UBASH3B: variants seen among roughly 807,000 people sequenced by gnomAD.
UBASH3B encodes the protein ubiquitin-associated and SH3 domain-containing protein B.
UBASH3B carries 37 observed loss-of-function variants against 83.4 expected under a neutral mutation model. The observed-to-expected ratio is 0.44, with a 90% confidence interval of 0.34 to 0.58. The LOEUF (loss-of-function observed/expected upper bound fraction) is 0.58, where lower values mean the gene tolerates loss of function less well. Ranked by LOEUF, UBASH3B falls within the 20% of genes least tolerant of loss-of-function variation. The pLI is 0.01. For synonymous variants in UBASH3B, 304 were observed against 318.3 expected (o/e 0.96, Z 0.48); for missense variants, 657 against 827.2 (o/e 0.79, Z 2.52).
chr11:122,806,193 A>G lies in UBASH3B; in HGVS notation c.1596-217A>G, dbSNP rs4936750. Among the ~76,000 whole-genome samples the G allele has an allele frequency of 0.46, 70,007 of 152,086 alleles. 17,660 individuals are homozygous for G. Among genetic ancestry groups the G allele is most frequent in the African/African-American group, 0.64 (26,673 of 41,476 alleles). Reference sequence around the variant, plus strand: ...GTCTCATTTTTCACCTGGTCACTGTAACGCCATACACATAGCTGTTATTTC... The same window carrying G: ...GTCTCATTTTTCACCTGGTCACTGTGACGCCATACACATAGCTGTTATTTC... On this transcript the variant is annotated intron_variant, in intron 11 of 13. Transcript: ENST00000284273. This position sits in a 1 kb window ranked among gnomAD's most constrained non-coding sequence, Gnocchi z 4.0.
chr11:122,665,872 G>A (rs1378098223), intron 1 of UBASH3B, among the ~76,000 whole-genome samples: 2 of 152,218 alleles, frequency 1.3e-5, no homozygotes, highest in Non-Finnish European at 2.9e-5. Flanking sequence ...AGATTGCTCA[G>A]GGGCACCTTT....
At chr11:122,772,694 G>A (rs1002171026) in intron 1 of UBASH3B, among the ~76,000 whole-genome samples, 1 of 152,158 alleles carries the variant, frequency 6.6e-6, no homozygotes, top group Non-Finnish European at 1.5e-5. Context: ...GAAGAATCCC[G>A]CCGGAGCACT....
At chr11:122,730,297 C>T (rs1466374317) in intron 1 of UBASH3B, among the ~76,000 whole-genome samples, 3 of 152,260 alleles carry the variant, frequency 2.0e-5, no homozygotes, top group South Asian at 4.1e-4. Context: ...TGGGTGACAT[C>T]ACACGGGTCC....
chr11:122,796,388 A>G lies in UBASH3B; in HGVS notation c.1234+112A>G, dbSNP rs373621155. ...TCATTCATAGTTTTGCGTACTATAG[A>G]AGATGTCTGTCATGTGTAAGCCCCT... On this transcript the variant is annotated intron_variant, in intron 8 of 13. Transcript: ENST00000284273. 3.2e-3 allele frequency: 4,753 copies of G among 1,487,984 alleles called. 95 individuals are homozygous for G. The highest frequency in any genetic ancestry group is 0.02 in the South Asian group (1,545 of 75,742). The allele number at this position is 1,487,984 out of a possible 1,614,324, so 92.2% of individuals were successfully genotyped here. A position where few individuals can be genotyped will look rare whatever the true frequency, so the allele number is the denominator to read the frequency against.
intron 1 of UBASH3B, among the ~76,000 whole-genome samples, chr11:122,712,228 G>A (rs926974921): frequency 1.3e-5 from 2 of 152,146 alleles, no homozygotes; most frequent in Non-Finnish European, 2.9e-5. Flanking sequence ...CATTTTGAAC[G>A]AGCTGGAAGA....
At chr11:122,766,415 G>A (rs1860538209) in intron 1 of UBASH3B, among the ~76,000 whole-genome samples, 1 of 152,186 alleles carries the variant, frequency 6.6e-6, no homozygotes, top group Non-Finnish European at 1.5e-5. Context: ...CGAGGTAGCG[G>A]GCGCCTGTAG....
chr11:122,807,850 C>G (rs1223349853), intron 12 of UBASH3B, among the ~76,000 whole-genome samples: 2 of 152,146 alleles, frequency 1.3e-5, no homozygotes, highest in East Asian at 1.9e-4. Context: ...CCACCACACC[C>G]GGCCCCATAA....
chr11:122,744,822 A>G (rs978750764), intron 1 of UBASH3B, among the ~76,000 whole-genome samples: 1 of 150,314 alleles, frequency 6.7e-6, no homozygotes, highest in African/African-American at 2.5e-5. Context: ...GTGATTATAT[A>G]TGTGTGTGGC....
chr11:122,749,698 C>T (rs1320670406), intron 1 of UBASH3B, among the ~76,000 whole-genome samples: 1 of 152,166 alleles, frequency 6.6e-6, no homozygotes, highest in Non-Finnish European at 1.5e-5. Context: ...ACAGAGTAAT[C>T]GCTATTTGAG....
At chr11:122,675,253 G>T (rs1863652610) in intron 1 of UBASH3B, among the ~76,000 whole-genome samples, 1 of 152,190 alleles carries the variant, frequency 6.6e-6, no homozygotes, top group Non-Finnish European at 1.5e-5. Context: ...ACCCTGACTG[G>T]CAAATAAGCA....
intron 1 of UBASH3B, among the ~76,000 whole-genome samples, chr11:122,686,368 A>G (rs541242011): frequency 1.1e-3 from 175 of 152,342 alleles, no homozygotes; most frequent in Middle Eastern, 6.8e-3. Context: ...CAGCAGACTC[A>G]GGTACAATTA....
chr11:122,729,635 A>C (rs933883651), intron 1 of UBASH3B, among the ~76,000 whole-genome samples: 5 of 151,966 alleles, frequency 3.3e-5, no homozygotes, highest in African/African-American at 1.2e-4. Context: ...AGTATTTTGG[A>C]GTAAAATGAT....
intron 12 of UBASH3B, among the ~76,000 whole-genome samples, chr11:122,807,315 A>T (rs1304881185): frequency 6.6e-6 from 1 of 152,206 alleles, no homozygotes; most frequent in Non-Finnish European, 1.5e-5. Context: ...GTGTTACAAA[A>T]AGCTACACAT....
At chr11:122,776,502 C>T (rs985553092) in intron 2 of UBASH3B, among the ~76,000 whole-genome samples, 2 of 152,184 alleles carry the variant, frequency 1.3e-5, no homozygotes, top group African/African-American at 4.8e-5. Context: ...CAGATAGAGC[C>T]TCTCTCATAA....
chr11:122,747,980 AC>A (rs1458246712), intron 1 of UBASH3B, among the ~76,000 whole-genome samples: 2 of 152,256 alleles, frequency 1.3e-5, no homozygotes, highest in African/African-American at 4.8e-5. Flanking sequence ...TAGTACATAC[AC>A]CACGTTACAC....
intron 11 of UBASH3B, among the ~76,000 whole-genome samples, chr11:122,803,285 T>A (rs149417533): frequency 6.6e-6 from 1 of 152,164 alleles, no homozygotes; most frequent in Non-Finnish European, 1.5e-5. Flanking sequence ...AAATTAATGA[T>A]GCCAAATGGA....
Position 122,758,124 on chromosome 11 carries a change from G to T in UBASH3B, c.162-18095G>T, listed in dbSNP as rs148113516. On this transcript the variant is annotated intron_variant, in intron 1 of 13. Coordinates refer to ENST00000284273, the MANE Select transcript of UBASH3B (RefSeq NM_032873.5). This position sits in a 1 kb window ranked among gnomAD's most constrained non-coding sequence, Gnocchi z 4.2. ...TGCCAAATTGCCAGATTCCCTGAGC[G>T]CTGGGAACTGAGGCCCAGAAGGAAG... Among the ~76,000 whole-genome samples, 1 of 152,090 alleles carries T rather than the reference G, an allele frequency of 6.6e-6. No individual in the cohort carries two copies. The highest frequency in any genetic ancestry group is 2.4e-5 in the African/African-American group (1 of 41,420).
chr11:122,809,003 T>C (rs2135195296), intron 13 of UBASH3B, among the ~76,000 whole-genome samples: 1 of 152,108 alleles, frequency 6.6e-6, no homozygotes, highest in East Asian at 1.9e-4. Context: ...AAACAAATTT[T>C]TTCAAATTGA....
chr11:122,772,499 A>G (rs2135133721), intron 1 of UBASH3B, among the ~76,000 whole-genome samples: 1 of 152,268 alleles, frequency 6.6e-6, no homozygotes, highest in Admixed American at 6.5e-5. Flanking sequence ...AGAAAGAGAG[A>G]GAGGGAAGGA....
Sources: gnomAD v4.1 joint callset for allele counts (sites outside exome capture counted in the v4.1 genomes callset) on GRCh38, gnomAD v4.1.1 for gene constraint, Gnocchi (gnomAD v3.1) non-coding constraint, MANE v1.5 for transcripts, NCBI Gene and HGNC (gene_info 2026-07-23, HGNC 2026-07-21) for gene names.